The following SCAND3 variants were observed in gnomAD, a reference collection of about 807,000 sequenced individuals.
The protein encoded by SCAND3 is SCAN domain-containing protein 3.
At chr6:28,571,776 T>A in the SCAND3 span, 1 of 1,066,414 alleles carries the variant, frequency 9.4e-7, no homozygotes, top group Non-Finnish European at 1.3e-6. Context: ...AGAAAATTGC[T>A]GTTTCACTCA....
At chr6:28,594,437 C>T in the SCAND3 span, among the ~76,000 whole-genome samples, 10 of 152,140 alleles carry the variant, frequency 6.6e-5, no homozygotes, top group African/African-American at 2.4e-4. Flanking sequence ...GGTGGATCAC[C>T]TGAGATCAGT....
the SCAND3 span, chr6:28,579,181 G>T: frequency 8.5e-7 from 1 of 1,171,796 alleles, no homozygotes; most frequent in Non-Finnish European, 1.2e-6. The surrounding 1 kb of genome is among the most constrained non-coding windows in gnomAD (Gnocchi z 4.5). Flanking sequence ...TTCAGTAGAA[G>T]CTGAAATGGA....
the SCAND3 span, chr6:28,571,732 C>A: frequency 1.8e-6 from 1 of 557,062 alleles, no homozygotes. Context: ...TGTACACATT[C>A]TTAATTGAAA....
At chr6:28,592,205 T>A in the SCAND3 span, among the ~76,000 whole-genome samples, 1 of 152,152 alleles carries the variant, frequency 6.6e-6, no homozygotes, top group Non-Finnish European at 1.5e-5. This position sits in a 1 kb window ranked among gnomAD's most constrained non-coding sequence, Gnocchi z 4.1. Flanking sequence ...CCTAAAGATG[T>A]TACAGAAAAG....
chr6:28,608,360 CCCA>C, the SCAND3 span, among the ~76,000 whole-genome samples: 1 of 152,104 alleles, frequency 6.6e-6, no homozygotes, highest in Non-Finnish European at 1.5e-5. Flanking sequence ...CCCCTGGCTC[CCCA>C]CCTTTACTCT....
At chr6:28,595,962 C>A in the SCAND3 span, among the ~76,000 whole-genome samples, 2 of 152,080 alleles carry the variant, frequency 1.3e-5, no homozygotes, top group Admixed American at 1.3e-4. Flanking sequence ...ATGTAACAGT[C>A]CAGAGGAGGG....
At chr6:28,572,690 C>G in the SCAND3 span, 33 of 1,614,078 alleles carry the variant, frequency 2.0e-5, no homozygotes, top group Non-Finnish European at 2.8e-5. The surrounding 1 kb of genome is among the most constrained non-coding windows in gnomAD (Gnocchi z 4.1). Flanking sequence ...CTTGACAGAA[C>G]TTTTCCCCGT....
chr6:28,610,854 A>T, the SCAND3 span, among the ~76,000 whole-genome samples: 1 of 152,218 alleles, frequency 6.6e-6, no homozygotes, highest in Non-Finnish European at 1.5e-5. Context: ...CAAAAATTTT[A>T]TAGAAGGCAA....
chr6:28,605,396 T>G, the SCAND3 span, among the ~76,000 whole-genome samples: 1 of 152,172 alleles, frequency 6.6e-6, no homozygotes, highest in Non-Finnish European at 1.5e-5. Flanking sequence ...GAAGATTTTT[T>G]TAAAGCAAGA....
chr6:28,612,115 C>T, the SCAND3 span, among the ~76,000 whole-genome samples: 1 of 152,138 alleles, frequency 6.6e-6, no homozygotes. Context: ...CAGCTCACTG[C>T]AACCTCTGCC....
the SCAND3 span, chr6:28,572,501 C>T: frequency 6.2e-7 from 1 of 1,613,286 alleles, no homozygotes; most frequent in South Asian, 1.1e-5. This position sits in a 1 kb window ranked among gnomAD's most constrained non-coding sequence, Gnocchi z 4.1. Context: ...ACTTTATCTG[C>T]CATTGAAAAA....
At chr6:28,576,148 G>T in the SCAND3 span, 1 of 1,545,526 alleles carries the variant, frequency 6.5e-7, no homozygotes. Context: ...TAAAAACAAA[G>T]GAAAAAAATC....
the SCAND3 span, chr6:28,589,413 T>C: frequency 6.6e-6 from 1 of 152,136 alleles, no homozygotes; most frequent in Non-Finnish European, 1.5e-5. Context: ...CTCTGGACTT[T>C]GAATCCAGCA....
the SCAND3 span, chr6:28,572,644 A>G: frequency 6.2e-7 from 1 of 1,614,048 alleles, no homozygotes; most frequent in Non-Finnish European, 8.5e-7. The surrounding 1 kb of genome is among the most constrained non-coding windows in gnomAD (Gnocchi z 4.1). Context: ...CTTGCCTTGC[A>G]GAAACACTAA....
At chr6:28,612,271 C>T in the SCAND3 span, among the ~76,000 whole-genome samples, 35 of 152,070 alleles carry the variant, frequency 2.3e-4, no homozygotes, top group African/African-American at 8.2e-4. Context: ...ATTTCCTGAG[C>T]TCGTGATCTG....
the SCAND3 span, chr6:28,575,125 G>A: frequency 3.5e-5 from 56 of 1,614,034 alleles, no homozygotes; most frequent in Non-Finnish European, 4.6e-5. The surrounding 1 kb of genome is among the most constrained non-coding windows in gnomAD (Gnocchi z 4.2). Flanking sequence ...GCCCAGTTTA[G>A]CTTCAGAGCT....
At chr6:28,607,703 T>G in the SCAND3 span, among the ~76,000 whole-genome samples, 1 of 152,072 alleles carries the variant, frequency 6.6e-6, no homozygotes, top group Non-Finnish European at 1.5e-5. Context: ...TGTGCGGTGA[T>G]AGGTACATGA....
the SCAND3 span, among the ~76,000 whole-genome samples, chr6:28,615,825 T>TA: frequency 6.6e-6 from 1 of 152,128 alleles, no homozygotes; most frequent in Non-Finnish European, 1.5e-5. Flanking sequence ...GCTCCAGAGG[T>TA]GATGCAACAT....
the SCAND3 span, chr6:28,573,665 T>C: frequency 6.2e-7 from 1 of 1,611,656 alleles, no homozygotes; most frequent in Non-Finnish European, 8.5e-7. Context: ...CCAAACTCAA[T>C]ATATGAAGGA....
Sources: allele counts gnomAD v4.1 joint callset (sites outside exome capture counted in the v4.1 genomes callset), GRCh38; gene constraint gnomAD v4.1.1; non-coding constraint Gnocchi (gnomAD v3.1); transcripts MANE v1.5; gene names NCBI Gene and HGNC (gene_info 2026-07-23, HGNC 2026-07-21).